SPG11: variants seen among roughly 807,000 people sequenced by gnomAD.
SPG11 encodes spatacsin.
A neutral mutation model predicts 274.0 loss-of-function variants in SPG11; 222 were observed. The observed-to-expected ratio is 0.81, with a 90% CI of 0.73 to 0.91. The LOEUF is 0.91. Ranked by LOEUF, SPG11 falls within the 40% of genes least tolerant of loss-of-function variation. The pLI is 0.00. For synonymous variants in SPG11, 1,144 were observed against 1,039.7 expected, an observed-to-expected ratio of 1.10 and a Z score of -1.93; for missense variants, 3,114 against 2,872.7, an observed-to-expected ratio of 1.08 and a Z score of -1.92.
At chr15:44,595,629 T>C (rs554731877) in intron 25 of SPG11, among the ~76,000 whole-genome samples, 170 bp from the exon 26 acceptor site, 23 of 152,350 alleles carry the variant, frequency 1.5e-4, no homozygotes, top group African/African-American at 5.5e-4. Context: ...GGGACTGTTC[T>C]AAACTGTCCT....
At chr15:44,654,482 T>C (rs994770106) in intron 4 of SPG11, among the ~76,000 whole-genome samples, 3 of 149,458 alleles carry the variant, frequency 2.0e-5, no homozygotes, top group African/African-American at 5.0e-5. Flanking sequence ...CACTCCAACC[T>C]TGGCAATAGA....
chr15:44,633,696 G>A, intron 7 of SPG11, 59 bp from the exon 8 acceptor site: 2 of 1,551,458 alleles, frequency 1.3e-6, no homozygotes, highest in Non-Finnish European at 1.8e-6. Flanking sequence ...AAAAAATCAG[G>A]ATTCAGATTT....
intron 37 of SPG11, 27 bp downstream of exon 37, chr15:44,566,190 C>G: frequency 6.2e-7 from 1 of 1,612,046 alleles, no homozygotes; most frequent in Non-Finnish European, 8.5e-7. Context: ...AGTCCCAAGG[C>G]CAGTCTGAAA....
intron 16 of SPG11, among the ~76,000 whole-genome samples, 186 bp downstream of exon 16, chr15:44,615,177 G>A (rs1454865629): frequency 1.3e-5 from 2 of 152,130 alleles, no homozygotes; most frequent in Non-Finnish European, 2.9e-5. Flanking sequence ...AAACACATAA[G>A]CATTTTGCTG....
chr15:44,657,843 C>A (rs1038282612), intron 3 of SPG11, among the ~76,000 whole-genome samples: 2 of 152,184 alleles, frequency 1.3e-5, no homozygotes, highest in African/African-American at 4.8e-5. Flanking sequence ...AATGACTGAA[C>A]TGAGTATCAG....
In SPG11 at chr15:44,566,324, A is replaced by T. The variant is rs1352042079; in HGVS notation, c.6755-19T>A. The T allele has an allele frequency of 7.5e-6, 12 of 1,601,706 alleles. No homozygotes were observed. The East Asian group carries it at 2.3e-4, about 31-fold the overall frequency. On this transcript the variant is annotated intron_variant, in intron 36 of 39. Coordinates refer to ENST00000261866, the MANE Select transcript of SPG11 (RefSeq NM_025137.4). ...CTGTCCTCTGTAGGGGAAATAAAGA[A>T]GATTTGCCGAGTCTGACTCCCAAAG...
chr15:44,652,023 T>TAA, intron 5 of SPG11, 84 bp from the exon 6 acceptor site: 36 of 1,240,602 alleles, frequency 2.9e-5, no homozygotes, highest in Admixed American at 4.4e-5. Context: ...AAGATGTTCT[T>TAA]AAAAAAAAAA....
rs201254271 is a variant in SPG11, at chr15:44,584,288, C to T, written c.5392G>A (p.Glu1798Lys). ...VVPLDKLEELEKQIWLCRITQ... is the reference protein window; with the variant it reads ...VVPLDKLEELKKQIWLCRITQ... ...ATGCGGCACAGCCAGATCTGCTTCTCCAGCTCCTCCAGCTTATCCAAGGGC... is the reference window on the plus strand; with the variant it reads ...ATGCGGCACAGCCAGATCTGCTTCTTCAGCTCCTCCAGCTTATCCAAGGGC... Residue 1798 changes from glutamate to lysine, a missense_variant, in exon 30 of 40, where the codon GAG (glutamate) becomes AAG (lysine). By Grantham distance (56) the Glu-to-Lys change is moderately conservative. Coordinates refer to ENST00000261866, the MANE Select transcript of SPG11 (RefSeq NM_025137.4). 76 of 1,612,860 alleles carry T rather than the reference C, an allele frequency of 4.7e-5. No homozygotes were observed. Among genetic ancestry groups the T allele is most frequent in the Non-Finnish European group, 6.4e-5 (76 of 1,179,206 alleles).
intron 19 of SPG11, among the ~76,000 whole-genome samples, chr15:44,606,457 A>G (rs999031943): frequency 6.6e-6 from 1 of 152,126 alleles, no homozygotes; most frequent in African/African-American, 2.4e-5. Context: ...TACCAGGTAA[A>G]CATGATAAGA....
In SPG11 at chr15:44,600,460, T is replaced by A. The variant is rs752004242; in HGVS notation, c.3686+7A>T. On this transcript the variant is annotated splice_region_variant and intron_variant, in intron 21 of 39. Coordinates refer to ENST00000261866, the MANE Select transcript of SPG11 (RefSeq NM_025137.4). The stretch of plus-strand genomic sequence containing the variant: ...TACCCAGACAAAATTATATTTTAAA[T>A]ACTCACAGCTGCTTGGGAGTCTTGC... The A allele has an allele frequency of 1.2e-6, 2 of 1,613,874 alleles. No homozygotes were observed. The highest frequency in any genetic ancestry group is 2.2e-5 in the East Asian group (1 of 44,868).
At chr15:44,651,118 A>T (rs1373701433) in intron 6 of SPG11, among the ~76,000 whole-genome samples, 1 of 152,162 alleles carries the variant, frequency 6.6e-6, no homozygotes, top group Non-Finnish European at 1.5e-5. Context: ...GAATGTTTAT[A>T]ATCTTTTTTA....
rs749898318 is a variant in SPG11 at position 44,660,530 on chromosome 15, A to G, written c.344T>C (p.Ile115Thr). 5 of 1,614,062 alleles carry G rather than the reference A, an allele frequency of 3.1e-6. No individual in the cohort carries two copies. The African/African-American group carries it at 6.7e-5, about 22-fold the overall frequency. Residue 115 changes from isoleucine (I) to threonine (T), a missense_variant, in exon 2 of 40, where the codon ATC becomes ACC. Ile to Thr is a moderately conservative substitution (Grantham distance 89). Coordinates refer to ENST00000261866, the MANE Select transcript of SPG11 (RefSeq NM_025137.4). ...LALGENYELLIYEFNLKDGRC... is the reference protein window; with the variant it reads ...LALGENYELLTYEFNLKDGRC... ...TCCATCTTTCAAATTAAATTCATAG[A>G]TAAGCAGTTCATAATTTTCACCAAG... is the stretch of plus-strand genomic sequence containing the variant.
intron 21 of SPG11, chr15:44,600,220 G>GT: frequency 2.3e-6 from 1 of 442,624 alleles, no homozygotes; most frequent in Non-Finnish European, 4.1e-6. Flanking sequence ...TTTCCAGTAT[G>GT]TTTTTCAATG....
intron 37 of SPG11, 89 bp from the exon 38 acceptor site, chr15:44,566,098 T>TTCC: frequency 5.0e-6 from 8 of 1,596,104 alleles, no homozygotes; most frequent in Non-Finnish European, 6.9e-6. Flanking sequence ...ACCCCTTCTG[T>TTCC]TCCTGGTTGG....
At chr15:44,609,150 A>G (rs1246927932) in intron 18 of SPG11, among the ~76,000 whole-genome samples, 6 of 151,700 alleles carry the variant, frequency 4.0e-5, no homozygotes, top group African/African-American at 2.4e-5. Flanking sequence ...TTTTTTTTTG[A>G]GACGGAGTCT....
intron 7 of SPG11, among the ~76,000 whole-genome samples, chr15:44,636,925 C>CAAAAAAAAACAAACAAA (rs2084275496): frequency 5.1e-5 from 1 of 19,452 alleles, no homozygotes; most frequent in Non-Finnish European, 8.0e-5. Context: ...GACTCCATCT[C>CAAAAAAAAACAAACAAA]AAAAAAAAAA....
At chr15:44,582,981 C>T (rs77360156) in intron 30 of SPG11, among the ~76,000 whole-genome samples, 2,189 of 152,226 alleles carry the variant, frequency 0.014, 53 homozygotes, top group East Asian at 0.097. Context: ...TGTCCACTCT[C>T]GCCACCCCTA....
intron 20 of SPG11, among the ~76,000 whole-genome samples, chr15:44,601,602 G>C (rs2083191581): frequency 6.8e-6 from 1 of 147,656 alleles, no homozygotes. Context: ...CGGCTGTCTA[G>C]GCTGGAGTGC....
chr15:44,626,558 A>G, intron 10 of SPG11, 51 bp from the exon 11 acceptor site: 1 of 1,557,402 alleles, frequency 6.4e-7, no homozygotes, highest in Non-Finnish European at 8.8e-7. Context: ...TTTCCTTATT[A>G]TGATTATCAA....
Sources: allele counts gnomAD v4.1 joint callset (sites outside exome capture counted in the v4.1 genomes callset), GRCh38; gene constraint gnomAD v4.1.1; transcripts MANE v1.5; gene names NCBI Gene and HGNC (gene_info 2026-07-23, HGNC 2026-07-21).